ZNF81: variants seen among roughly 807,000 people sequenced by gnomAD.
ZNF81 encodes zinc finger protein 81 (HFZ20).
Under a neutral mutation model 32.3 loss-of-function variants are expected in ZNF81, and 5 were observed. The ratio of observed to expected loss-of-function variants is 0.15; its 90% CI spans 0.08 to 0.33. The LOEUF (loss-of-function observed/expected upper bound fraction) is 0.33, where lower values mean the gene tolerates loss of function less well. Ranked by LOEUF, ZNF81 falls within the 10% of genes least tolerant of loss-of-function variation. The pLI, the probability that ZNF81 is intolerant of heterozygous loss-of-function variation, is 1.00. For missense variants in ZNF81, 379 were observed against 479.8 expected, an observed-to-expected ratio of 0.79 and a Z score of 1.96; for synonymous variants, 163 against 166.8, an observed-to-expected ratio of 0.98 and a Z score of 0.17.
intron 4 of ZNF81, among the ~76,000 whole-genome samples, chrX:47,900,982 C>T (rs2058696263): frequency 9.0e-6 from 1 of 111,405 alleles, no homozygotes; most frequent in African/African-American, 3.3e-5. Flanking sequence ...ATTTTAGCTG[C>T]TCCACATTGC....
At chrX:47,877,200 C>G (rs2058603422) in intron 2 of ZNF81, among the ~76,000 whole-genome samples, 2 of 111,443 alleles carry the variant, frequency 1.8e-5, no homozygotes, top group Admixed American at 9.5e-5. Flanking sequence ...TTGGGTGCAC[C>G]CCCCCGCACC....
In ZNF81 at chrX:47,875,202, C is replaced by T. The variant is rs143741462; in HGVS notation, c.55-12797C>T. 7.4e-3 allele frequency among the ~76,000 whole-genome samples: 834 copies of T among 111,985 alleles called. 6 individuals are homozygous for T. Among genetic ancestry groups the T allele is most frequent in the Non-Finnish European group, 0.012 (618 of 53,111 alleles). ...AAAGAGAAAGTACCTTTCATTCTCCCATTTGCTCTTCTGTTTTCCTCAATC... is the reference window on the plus strand; with the variant it reads ...AAAGAGAAAGTACCTTTCATTCTCCTATTTGCTCTTCTGTTTTCCTCAATC... On this transcript the variant is annotated intron_variant, in intron 2 of 4. Coordinates refer to ENST00000338637, the MANE Select transcript of ZNF81 (RefSeq NM_007137.5).
chrX:47,915,552 T>G lies in ZNF81; in HGVS notation c.906T>G (p.His302Gln). Residue 302 changes from histidine (H) to glutamine (Q), a missense_variant, in exon 5 of 5, where the codon CAT (histidine) becomes CAG (glutamine). His to Gln is a conservative substitution (Grantham distance 24, BLOSUM62 0). Around this residue, in one of 2 missense-constraint regions of ZNF81, gnomAD observed 277 missense variants for 306.6 expected, o/e 0.90. Coordinates refer to ENST00000338637, the MANE Select transcript of ZNF81 (RefSeq NM_007137.5). ...AAATTCATACTGTGGAAAAACCTCA[T>G]GAGCTTAGCAAATGTGTAAATGTTT... ...PQKIHTVEKP[H>Q]ELSKCVNVFT... 1 of 1,211,694 alleles carries G rather than the reference T, an allele frequency of 8.3e-7. No individual in the cohort carries two copies. The highest frequency in any genetic ancestry group is 1.1e-6 in the Non-Finnish European group (1 of 895,513).
intron 4 of ZNF81, among the ~76,000 whole-genome samples, chrX:47,904,934 A>G (rs2148038939): frequency 9.0e-6 from 1 of 110,993 alleles, no homozygotes; most frequent in East Asian, 2.8e-4. Context: ...GAAGCTGGAA[A>G]CCATCATTCT....
At chrX:47,872,458 A>G (rs2058584130) in intron 2 of ZNF81, among the ~76,000 whole-genome samples, 1 of 111,508 alleles carries the variant, frequency 9.0e-6, no homozygotes, top group African/African-American at 3.3e-5. Context: ...GAGTCCGGAA[A>G]CCCTTGAGAG....
intron 4 of ZNF81, among the ~76,000 whole-genome samples, chrX:47,903,163 CCTCTCTCA>C (rs1556888295): frequency 3.6e-5 from 4 of 110,011 alleles, no homozygotes; most frequent in Non-Finnish European, 7.6e-5. Flanking sequence ...ACAGGGATGC[CCTCTCTCA>C]CCACTCCTAT....
chrX:47,838,776 A>G (rs782744443), intron 1 of ZNF81, among the ~76,000 whole-genome samples: 11 of 110,985 alleles, frequency 9.9e-5, no homozygotes, highest in Admixed American at 1.9e-4. Flanking sequence ...TTTTTATACT[A>G]TCTTTGTCTG....
At chrX:47,842,266 C>CTTCCTTTGTTTGGCTGG (rs2058452714) in intron 1 of ZNF81, among the ~76,000 whole-genome samples, 1 of 111,611 alleles carries the variant, frequency 9.0e-6, no homozygotes, top group African/African-American at 3.3e-5. Context: ...AGGTGCATTC[C>CTTCCTTTGTTTGGCTGG]ATTAGTGTTT....
At chrX:47,853,701 A>C (rs1162125113) in intron 2 of ZNF81, among the ~76,000 whole-genome samples, 7 of 110,413 alleles carry the variant, frequency 6.3e-5, no homozygotes, top group Non-Finnish European at 1.1e-4. Flanking sequence ...ATGTGCCACC[A>C]TGCCTGGCTA....
chrX:47,900,800 T>C (rs1262306758), intron 4 of ZNF81, among the ~76,000 whole-genome samples: 3 of 111,602 alleles, frequency 2.7e-5, no homozygotes, highest in Non-Finnish European at 5.6e-5. Flanking sequence ...GCTCTACCCA[T>C]GCAAAGTTGA....
intron 4 of ZNF81, among the ~76,000 whole-genome samples, chrX:47,908,080 T>C (rs2058727015): frequency 9.0e-6 from 1 of 111,481 alleles, no homozygotes; most frequent in Non-Finnish European, 1.9e-5. Context: ...ATTACTCTTC[T>C]TTGAAAGACA....
rs1556887159 is a variant in ZNF81 at position 47,895,951 on chromosome X, G to T, written c.277+11G>T. 4 of 1,173,084 alleles carry T rather than the reference G, an allele frequency of 3.4e-6. No individual in the cohort carries two copies. In the East Asian group the frequency reaches 1.2e-4, roughly 35 times the overall value. ...ATCAGAGCTGTTCAGGTGAGTGGGT[G>T]TGACCCAGGCAGATGGGGACACGAA... On this transcript the variant is annotated intron_variant, in intron 4 of 4. Coordinates refer to ENST00000338637, the MANE Select transcript of ZNF81 (RefSeq NM_007137.5).
rs1281851152 is a variant in ZNF81, at chrX:47,922,640, T to C, written c.*6008T>C. On this transcript the variant is annotated 3_prime_UTR_variant, in exon 5 of 5. Transcript: ENST00000338637. The stretch of plus-strand genomic sequence containing the variant: ...AGTTAGTTAACCTCTGTCCTGATGG[T>C]TTTCATCTATAAAAGATGTACACAC... Among the ~76,000 whole-genome samples, 1 of 111,740 alleles carries C rather than the reference T, an allele frequency of 8.9e-6. No homozygotes were observed. Among genetic ancestry groups the C allele is most frequent in the Non-Finnish European group, 1.9e-5 (1 of 53,168 alleles).
chrX:47,841,783 A>AT, intron 1 of ZNF81: 1 of 388,191 alleles, frequency 2.6e-6, no homozygotes, highest in African/African-American at 2.6e-5. Flanking sequence ...AAGACCAGCT[A>AT]TTGGATTTAT....
chrX:47,879,296 A>G (rs1254443651), intron 2 of ZNF81, among the ~76,000 whole-genome samples: 1 of 111,453 alleles, frequency 9.0e-6, no homozygotes, highest in Non-Finnish European at 1.9e-5. Flanking sequence ...TTCCTTTTCC[A>G]GAAAGCTACA....
At chrX:47,907,201 A>G (rs2058723884) in intron 4 of ZNF81, among the ~76,000 whole-genome samples, 1 of 93,711 alleles carries the variant, frequency 1.1e-5, no homozygotes, top group African/African-American at 4.0e-5. Flanking sequence ...ATATTTTTTG[A>G]CACAGAGGCA....
At chrX:47,908,703 A>G (rs1168139731) in intron 4 of ZNF81, among the ~76,000 whole-genome samples, 3 of 112,527 alleles carry the variant, frequency 2.7e-5, no homozygotes, top group Non-Finnish European at 5.6e-5. Flanking sequence ...CACAACAATG[A>G]AAAGAATGAA....
At chrX:47,884,394 C>A (rs1212466578) in intron 2 of ZNF81, among the ~76,000 whole-genome samples, 1 of 109,597 alleles carries the variant, frequency 9.1e-6, no homozygotes, top group African/African-American at 3.3e-5. Context: ...GTCAGGAATC[C>A]AGGTGTGGCT....
chrX:47,871,973 TG>T (rs1373588134), intron 2 of ZNF81, among the ~76,000 whole-genome samples: 1 of 112,416 alleles, frequency 8.9e-6, no homozygotes. Context: ...TTAAAAATTT[TG>T]GAATCTCCAA....
Sources: allele counts gnomAD v4.1 joint callset (sites outside exome capture counted in the v4.1 genomes callset), GRCh38; gene constraint gnomAD v4.1.1; regional missense constraint gnomAD v4.1.1; transcripts MANE v1.5; gene names NCBI Gene and HGNC (gene_info 2026-07-23, HGNC 2026-07-21).